The following CMIP variants were observed in gnomAD, a reference collection of about 807,000 sequenced individuals.
CMIP encodes c-Maf inducing protein, also known as C-Maf-inducing protein.
Under a neutral mutation model 97.3 loss-of-function variants are expected in CMIP, and 13 were observed. The ratio of observed to expected loss-of-function variants is 0.13; its 90% CI spans 0.09 to 0.21. CMIP has a LOEUF of 0.21. CMIP is among the 10% of genes least tolerant of loss of function. CMIP has a pLI of 1.00. For missense variants in CMIP, 847 were observed against 1,024.9 expected, an observed-to-expected ratio of 0.83 and a Z score of 2.37; for synonymous variants, 538 against 436.3, an observed-to-expected ratio of 1.23 and a Z score of -2.91.
chr16:81,629,353 A>T (rs2092121937), intron 3 of CMIP, among the ~76,000 whole-genome samples: 1 of 151,664 alleles, frequency 6.6e-6, no homozygotes, highest in Admixed American at 6.6e-5. Context: ...GTGTCCCCTG[A>T]CTTTAAACTT....
chr16:81,705,749 C>G (rs1908063462), intron 19 of CMIP, 145 bp downstream of exon 19: 2 of 592,220 alleles, frequency 3.4e-6, no homozygotes, highest in Non-Finnish European at 6.0e-6. Context: ...TGCACACCTG[C>G]TGTGGACCAG....
At chr16:81,524,645 G>A (rs1423100406) in intron 1 of CMIP, among the ~76,000 whole-genome samples, 1 of 152,224 alleles carries the variant, frequency 6.6e-6, no homozygotes, top group Non-Finnish European at 1.5e-5. Flanking sequence ...ACTTGCCCAC[G>A]GTGGCACAGC....
chr16:81,525,418 C>G (rs1254283751), intron 1 of CMIP, among the ~76,000 whole-genome samples: 2 of 152,210 alleles, frequency 1.3e-5, no homozygotes, highest in African/African-American at 4.8e-5. Flanking sequence ...GCTGGGATTA[C>G]AAGCATGAGC....
intron 1 of CMIP, chr16:81,476,324 C>T: frequency 1.3e-6 from 2 of 1,501,056 alleles, no homozygotes; most frequent in South Asian, 2.3e-5. Flanking sequence ...CGTGTGAAGT[C>T]ACCACCCTGA....
At chr16:81,515,963 T>C (rs531578469) in intron 1 of CMIP, among the ~76,000 whole-genome samples, 14 of 152,342 alleles carry the variant, frequency 9.2e-5, no homozygotes, top group Admixed American at 2.0e-4. Flanking sequence ...CCCTATGGCC[T>C]GTCCTCTGTC....
intron 1 of CMIP, among the ~76,000 whole-genome samples, chr16:81,523,196 AG>A (rs2090062107): frequency 1.3e-5 from 2 of 152,216 alleles, no homozygotes; most frequent in African/African-American, 4.8e-5. Context: ...CTGGGATTCC[AG>A]GTGTGAGCTA....
chr16:81,467,051 G>T (rs529616433), intron 1 of CMIP, among the ~76,000 whole-genome samples: 3 of 152,288 alleles, frequency 2.0e-5, no homozygotes, highest in East Asian at 3.9e-4. Context: ...GTCCATCCTC[G>T]CTGGGCAGGA....
intron 1 of CMIP, among the ~76,000 whole-genome samples, chr16:81,474,569 T>G (rs976217433): frequency 1.3e-5 from 2 of 152,112 alleles, no homozygotes; most frequent in Non-Finnish European, 2.9e-5. Flanking sequence ...CTGAGTCAGG[T>G]CAGAGGAGCA....
chr16:81,459,158 G>C (rs939333883), intron 1 of CMIP, among the ~76,000 whole-genome samples: 2 of 152,194 alleles, frequency 1.3e-5, no homozygotes, highest in Admixed American at 1.3e-4. Context: ...CTGCAGGACT[G>C]TGAGCTTGAA....
intron 11 of CMIP, among the ~76,000 whole-genome samples, 152 bp from the exon 12 acceptor site, chr16:81,693,002 TTGAG>T (rs1906273552): frequency 6.6e-6 from 1 of 152,186 alleles, no homozygotes; most frequent in Non-Finnish European, 1.5e-5. Context: ...TTTTGGAGCT[TTGAG>T]TGGGGACAAA....
chr16:81,501,936 G>T (rs1011301550), intron 1 of CMIP, among the ~76,000 whole-genome samples: 2 of 152,196 alleles, frequency 1.3e-5, no homozygotes, highest in African/African-American at 4.8e-5. Context: ...AAGTCCTTGT[G>T]CCTTCCTTGC....
Position 81,621,214 on chromosome 16 carries a change from G to A in CMIP, c.477+288G>A, listed in dbSNP as rs1233216080. The A allele has an allele frequency of 1.4e-5, 4 of 295,026 alleles. No homozygotes were observed. Among genetic ancestry groups the A allele is most frequent in the Admixed American group, 9.3e-5 (2 of 21,594 alleles). The allele number at this position is 295,026 out of a possible 1,614,324, so 18.3% of individuals were successfully genotyped here. A position where few individuals can be genotyped will look rare whatever the true frequency, so the allele number is the denominator to read the frequency against. On this transcript the variant is annotated intron_variant, in intron 3 of 20. Coordinates refer to ENST00000537098, the MANE Select transcript of CMIP (RefSeq NM_198390.3). This position sits in a 1 kb window ranked among gnomAD's most constrained non-coding sequence, Gnocchi z 4.1. The stretch of plus-strand genomic sequence containing the variant: ...AACTGCTTGCTCTCAGAGTGAGGGC[G>A]ACCCTGAGGGGAGTCCAGCCGGGGA...
intron 1 of CMIP, among the ~76,000 whole-genome samples, chr16:81,503,496 A>G (rs1172887867): frequency 1.3e-5 from 2 of 152,144 alleles, no homozygotes; most frequent in African/African-American, 4.8e-5. Flanking sequence ...CCCCAGGCTC[A>G]AGCCATCCTC....
intron 1 of CMIP, among the ~76,000 whole-genome samples, chr16:81,499,202 C>A (rs561853661): frequency 1.3e-5 from 2 of 152,096 alleles, no homozygotes; most frequent in East Asian, 1.9e-4. Flanking sequence ...ACACTGTGAA[C>A]GTGTCCCAGC....
intron 1 of CMIP, among the ~76,000 whole-genome samples, chr16:81,502,095 G>GCTA (rs1322455314): frequency 6.6e-6 from 1 of 152,220 alleles, no homozygotes; most frequent in African/African-American, 2.4e-5. Flanking sequence ...CTAAGGGGCA[G>GCTA]CTACTGCCTA....
chr16:81,494,500 TTC>T, intron 1 of CMIP, among the ~76,000 whole-genome samples: 1 of 152,284 alleles, frequency 6.6e-6, no homozygotes, highest in Non-Finnish European at 1.5e-5. Context: ...ACAGCTCCCC[TTC>T]CACCTTGGGG....
intron 5 of CMIP, 43 bp downstream of exon 5, chr16:81,657,859 C>G: frequency 6.5e-7 from 1 of 1,527,758 alleles, no homozygotes; most frequent in Non-Finnish European, 8.9e-7. Context: ...ACCTCCGCCT[C>G]CTGGAGCCTA....
chr16:81,678,973 A>G (rs900314920), intron 10 of CMIP, among the ~76,000 whole-genome samples: 2 of 152,234 alleles, frequency 1.3e-5, no homozygotes, highest in African/African-American at 4.8e-5. Context: ...TGCATGCCCA[A>G]GCATACATGT....
intron 2 of CMIP, chr16:81,610,387 A>G (rs1343226180): frequency 1.2e-5 from 12 of 985,504 alleles, no homozygotes; most frequent in Admixed American, 6.2e-5. Flanking sequence ...GATCCCGTGG[A>G]CAGCGCAGTC....
Sources: allele counts gnomAD v4.1 joint callset (sites outside exome capture counted in the v4.1 genomes callset), GRCh38; gene constraint gnomAD v4.1.1; non-coding constraint Gnocchi (gnomAD v3.1); transcripts MANE v1.5; gene names NCBI Gene and HGNC (gene_info 2026-07-23, HGNC 2026-07-21).